Variants in UBE2G1 observed in about 807,000 individuals in gnomAD.
UBE2G1 encodes ubiquitin conjugating enzyme E2 G1.
UBE2G1 carries 5 observed loss-of-function variants against 22.7 expected under a neutral mutation model. The observed-to-expected ratio is 0.22, with a 90% CI of 0.12 to 0.46. UBE2G1 has a LOEUF of 0.46. UBE2G1 is among the 20% of genes least tolerant of loss of function. The probability of loss-of-function intolerance (pLI) is 0.99; values close to 1 mark genes in which losing one functional copy is unlikely to be tolerated. For missense variants in UBE2G1, 88 were observed against 203.9 expected, an observed-to-expected ratio of 0.43 and a Z score of 3.46; for synonymous variants, 74 against 67.5, an observed-to-expected ratio of 1.10 and a Z score of -0.47.
intron 1 of UBE2G1, among the ~76,000 whole-genome samples, chr17:4,329,415 G>A (rs564960873): frequency 5.6e-4 from 85 of 151,534 alleles, no homozygotes; most frequent in African/African-American, 1.6e-3. Context: ...AAAATTAGCC[G>A]GGCATGGTGG....
chr17:4,337,640 C>A, intron 1 of UBE2G1, among the ~76,000 whole-genome samples: 1 of 141,382 alleles, frequency 7.1e-6, no homozygotes. Context: ...GCAACAAGAG[C>A]GAAACTCGGT....
At chr17:4,312,990 A>G (rs1165461526) in intron 1 of UBE2G1, among the ~76,000 whole-genome samples, 1 of 152,206 alleles carries the variant, frequency 6.6e-6, no homozygotes, top group East Asian at 1.9e-4. Flanking sequence ...CGGTAGATGG[A>G]AAAGTGTAGT....
intron 4 of UBE2G1, among the ~76,000 whole-genome samples, chr17:4,284,646 TG>T (rs1425649150): frequency 6.6e-6 from 1 of 151,746 alleles, no homozygotes; most frequent in Non-Finnish European, 1.5e-5. Flanking sequence ...GTGTGGGTAT[TG>T]GTGCCAAAAA....
chr17:4,310,663 T>C (rs1969299636), intron 1 of UBE2G1, among the ~76,000 whole-genome samples: 1 of 152,224 alleles, frequency 6.6e-6, no homozygotes, highest in African/African-American at 2.4e-5. Context: ...TGGTTCTTTT[T>C]TTCTTTTTCT....
At chr17:4,317,742 A>G (rs1969392355) in intron 1 of UBE2G1, among the ~76,000 whole-genome samples, 1 of 152,200 alleles carries the variant, frequency 6.6e-6, no homozygotes, top group African/African-American at 2.4e-5. Flanking sequence ...CCTGCTTATC[A>G]CAGCTTCTTC....
In UBE2G1 at chr17:4,353,466, C is replaced by T. The variant is rs867230918; in HGVS notation, c.46+12805G>A. 5.3e-3 allele frequency among the ~76,000 whole-genome samples: 724 copies of T among 137,390 alleles called. 5 individuals carry two copies. Among genetic ancestry groups the T allele is most frequent in the Middle Eastern group, 0.018 (5 of 280 alleles). The allele number at this position is 137,390 out of a possible 152,430, so 90.1% of individuals were successfully genotyped here. A position where few individuals can be genotyped will look rare whatever the true frequency, so the allele number is the denominator to read the frequency against. Reference sequence around the variant, plus strand: ...TTTCGTTGATATATATATATATACACACACACACACACACACACATATAAT... The same window carrying T: ...TTTCGTTGATATATATATATATACATACACACACACACACACACATATAAT... On this transcript the variant is annotated intron_variant, in intron 1 of 5. Transcript: ENST00000396981.
intron 1 of UBE2G1, among the ~76,000 whole-genome samples, chr17:4,362,806 G>A (rs1969984275): frequency 1.3e-5 from 2 of 152,150 alleles, no homozygotes; most frequent in Non-Finnish European, 2.9e-5. Flanking sequence ...AGGTTGCAGT[G>A]AACTGAGATT....
intron 3 of UBE2G1, among the ~76,000 whole-genome samples, chr17:4,295,378 C>T (rs1598184016): frequency 1.3e-5 from 2 of 152,232 alleles, no homozygotes; most frequent in Non-Finnish European, 1.5e-5. Context: ...CGCTAAGTCC[C>T]TTGGCTCCCA....
At chr17:4,272,673 G>A (rs1199568031) in intron 5 of UBE2G1, among the ~76,000 whole-genome samples, 157 bp from the exon 6 acceptor site, 1 of 152,130 alleles carries the variant, frequency 6.6e-6, no homozygotes, top group Non-Finnish European at 1.5e-5. Context: ...TCACAGCCAC[G>A]TGGGTATATT....
At chr17:4,316,316 A>C (rs907511170) in intron 1 of UBE2G1, among the ~76,000 whole-genome samples, 1 of 121,214 alleles carries the variant, frequency 8.2e-6, no homozygotes, top group Non-Finnish European at 2.0e-5. Flanking sequence ...TTCACTTTGA[A>C]CTTCTGAGAT....
intron 1 of UBE2G1, among the ~76,000 whole-genome samples, chr17:4,362,940 T>C (rs1969986018): frequency 1.3e-5 from 2 of 152,190 alleles, no homozygotes; most frequent in African/African-American, 4.8e-5. Flanking sequence ...CTGGCCAACA[T>C]GGTGAAACCC....
At chr17:4,291,471 T>C (rs1360788210) in intron 3 of UBE2G1, among the ~76,000 whole-genome samples, 2 of 151,966 alleles carry the variant, frequency 1.3e-5, no homozygotes, top group Non-Finnish European at 2.9e-5. Context: ...TACTGTGTAA[T>C]AAGGATTTTT....
At chr17:4,299,938 T>C (rs1055896571) in intron 2 of UBE2G1, among the ~76,000 whole-genome samples, 7 of 151,520 alleles carry the variant, frequency 4.6e-5, no homozygotes, top group Admixed American at 4.6e-4. Flanking sequence ...GAGATTCTCC[T>C]GCCTCAGCCT....
intron 5 of UBE2G1, among the ~76,000 whole-genome samples, chr17:4,280,361 T>TGAGATGGAG (rs1968873451): frequency 9.5e-6 from 1 of 105,256 alleles, no homozygotes; most frequent in Non-Finnish European, 1.9e-5. Flanking sequence ...TTTTTTTTTT[T>TGAGATGGAG]TTTGAGATGG....
chr17:4,357,925 C>T (rs1969925856), intron 1 of UBE2G1, among the ~76,000 whole-genome samples: 1 of 151,914 alleles, frequency 6.6e-6, no homozygotes, highest in African/African-American at 2.4e-5. Context: ...CACAGCAAGA[C>T]CCCATCTCTA....
At chr17:4,301,030 C>A (rs1452803336) in intron 2 of UBE2G1, among the ~76,000 whole-genome samples, 1 of 151,906 alleles carries the variant, frequency 6.6e-6, no homozygotes, top group Non-Finnish European at 1.5e-5. Context: ...TTCCATGAGG[C>A]CTCCATTACT....
At chr17:4,319,946 C>T (rs1445311574) in intron 1 of UBE2G1, among the ~76,000 whole-genome samples, 1 of 151,852 alleles carries the variant, frequency 6.6e-6, no homozygotes, top group Non-Finnish European at 1.5e-5. Context: ...AACCAAACCA[C>T]CATGAATGCT....
intron 1 of UBE2G1, among the ~76,000 whole-genome samples, chr17:4,317,808 C>G (rs1969393778): frequency 6.6e-6 from 1 of 152,192 alleles, no homozygotes; most frequent in Admixed American, 6.5e-5. Flanking sequence ...GTTGCTTGTG[C>G]ATAAATTATA....
chr17:4,360,274 G>A (rs1438319663), intron 1 of UBE2G1, among the ~76,000 whole-genome samples: 2 of 152,090 alleles, frequency 1.3e-5, no homozygotes, highest in Non-Finnish European at 2.9e-5. Flanking sequence ...ATTAAGAAAT[G>A]CCAAATTATT....
Sources: allele counts gnomAD v4.1 joint callset (sites outside exome capture counted in the v4.1 genomes callset), GRCh38; gene constraint gnomAD v4.1.1; transcripts MANE v1.5; gene names NCBI Gene and HGNC (gene_info 2026-07-23, HGNC 2026-07-21).